Variants in OXCT1 observed in about 807,000 individuals in gnomAD.
The protein encoded by OXCT1 is 3-oxoacid CoA-transferase 1, also known as succinyl-CoA:3-ketoacid coenzyme A transferase 1, mitochondrial.
A neutral mutation model predicts 69.6 loss-of-function variants in OXCT1; 27 were observed. The observed-to-expected ratio is 0.39, with a 90% CI of 0.29 to 0.54. OXCT1 has a LOEUF of 0.54. OXCT1 is among the 20% of genes least tolerant of loss of function. The pLI is 0.72. For missense variants in OXCT1, 437 were observed against 650.2 expected (o/e 0.67, Z 3.57); for synonymous variants, 202 against 217.8 (o/e 0.93, Z 0.64).
At chr5:41,839,951 C>A (rs1253434634) in intron 7 of OXCT1, among the ~76,000 whole-genome samples, 3 of 152,186 alleles carry the variant, frequency 2.0e-5, no homozygotes, top group Admixed American at 6.5e-5. Flanking sequence ...GGAAAGGCTG[C>A]AGAATTATCC....
At chr5:41,821,897 CT>C (rs1361620178) in intron 7 of OXCT1, among the ~76,000 whole-genome samples, 1 of 152,096 alleles carries the variant, frequency 6.6e-6, no homozygotes, top group Non-Finnish European at 1.5e-5. Flanking sequence ...ATTTTTTTCC[CT>C]GTACAGTGTC....
rs1750228281 is a variant in OXCT1 at position 41,870,271 on chromosome 5, C to T, written c.78+10G>A. Reference sequence around the variant, plus strand: ...CCTGCCCATGGCCTTCCTCTTCCCCCGCACTTTACCTTGTACCAGGTTGCC... The same window carrying T: ...CCTGCCCATGGCCTTCCTCTTCCCCTGCACTTTACCTTGTACCAGGTTGCC... On this transcript the variant is annotated intron_variant, in intron 1 of 16. Transcript: ENST00000196371. This position sits in a 1 kb window ranked among gnomAD's most constrained non-coding sequence, Gnocchi z 4.2. 7 of 1,610,466 alleles carry T rather than the reference C, an allele frequency of 4.3e-6. No individual in the cohort carries two copies. The highest frequency in any genetic ancestry group is 5.9e-6 in the Non-Finnish European group (7 of 1,176,804).
chr5:41,816,602 C>T (rs1747257539), intron 7 of OXCT1, among the ~76,000 whole-genome samples: 1 of 152,144 alleles, frequency 6.6e-6, no homozygotes, highest in Non-Finnish European at 1.5e-5. Flanking sequence ...TTAAATCATT[C>T]TGACCCTTGA....
chr5:41,834,057 G>C (rs2112375141), intron 7 of OXCT1, among the ~76,000 whole-genome samples: 1 of 150,854 alleles, frequency 6.6e-6, no homozygotes, highest in East Asian at 1.9e-4. Context: ...TTGCTTATTT[G>C]TTTATGCAAT....
intron 13 of OXCT1, among the ~76,000 whole-genome samples, chr5:41,764,517 C>T (rs939130933): frequency 1.3e-5 from 2 of 152,084 alleles, no homozygotes; most frequent in East Asian, 3.9e-4. Flanking sequence ...GAAAAGTATC[C>T]ATGAATACTA....
chr5:41,793,390 A>G (rs1429419923), intron 13 of OXCT1, among the ~76,000 whole-genome samples: 1 of 152,242 alleles, frequency 6.6e-6, no homozygotes, highest in Non-Finnish European at 1.5e-5. Flanking sequence ...ACACTCATGA[A>G]TTAAGTCAGT....
intron 7 of OXCT1, among the ~76,000 whole-genome samples, chr5:41,823,305 A>T (rs763152111): frequency 3.3e-5 from 5 of 152,188 alleles, no homozygotes; most frequent in Admixed American, 6.6e-5. Flanking sequence ...CAGAAGCACA[A>T]GGAAATTTTC....
chr5:41,777,371 G>A (rs1265120915), intron 13 of OXCT1, among the ~76,000 whole-genome samples: 7 of 152,136 alleles, frequency 4.6e-5, no homozygotes, highest in African/African-American at 1.7e-4. Flanking sequence ...AGCCGAGATC[G>A]TGCCACTGCA....
At position 41,861,405 on chromosome 5, in the gene OXCT1, C is replaced by CT; in HGVS notation, c.188-2dup. The CT allele has an allele frequency of 6.3e-7, 1 of 1,583,854 alleles. No homozygotes were observed. Among genetic ancestry groups the CT allele is most frequent in the Non-Finnish European group, 8.7e-7 (1 of 1,152,896 alleles). On this transcript the variant is annotated splice_acceptor_variant, in intron 2 of 16. Coordinates refer to ENST00000196371, the MANE Select transcript of OXCT1 (RefSeq NM_000436.4). LOFTEE classifies it high-confidence loss of function. ...TCTGGAATTCCACATAGCCCAAAACCTATATTAAGCCCAAAAAATAAACAA... is the reference window on the plus strand; with the variant it reads ...TCTGGAATTCCACATAGCCCAAAACCTTATATTAAGCCCAAAAAATAAACAA...
At position 41,847,027 on chromosome 5, in the gene OXCT1, C is replaced by T. The variant is rs1201052425; in HGVS notation, c.564+3003G>A. Among the ~76,000 whole-genome samples, 15 of 151,578 alleles carry T rather than the reference C, an allele frequency of 9.9e-5. 1 individual carries two copies. Among genetic ancestry groups the T allele is most frequent in the African/African-American group, 1.9e-4 (8 of 41,166 alleles). Reference sequence around the variant, plus strand: ...GAAAGGATCAACAAAACTGATAGACCGCTAGCAAGACTAATAAAGAAAAAA... The same window carrying T: ...GAAAGGATCAACAAAACTGATAGACTGCTAGCAAGACTAATAAAGAAAAAA... On this transcript the variant is annotated intron_variant, in intron 5 of 16. Transcript: ENST00000196371.
At chr5:41,791,152 T>A (rs1008708845) in intron 13 of OXCT1, among the ~76,000 whole-genome samples, 2 of 152,144 alleles carry the variant, frequency 1.3e-5, no homozygotes, top group African/African-American at 4.8e-5. Flanking sequence ...GAAGCTGCCC[T>A]GAGTCTCAAA....
At chr5:41,789,815 T>A (rs1349624999) in intron 13 of OXCT1, among the ~76,000 whole-genome samples, 1 of 152,218 alleles carries the variant, frequency 6.6e-6, no homozygotes, top group African/African-American at 2.4e-5. Flanking sequence ...AATATCTATA[T>A]TTTGGACTAA....
chr5:41,789,835 T>TA (rs1174408312), intron 13 of OXCT1, among the ~76,000 whole-genome samples: 1 of 152,214 alleles, frequency 6.6e-6, no homozygotes, highest in Non-Finnish European at 1.5e-5. Context: ...ACATTTGGAT[T>TA]ACAATTGATG....
chr5:41,831,703 G>T (rs935240665), intron 7 of OXCT1, among the ~76,000 whole-genome samples: 1 of 152,170 alleles, frequency 6.6e-6, no homozygotes, highest in Non-Finnish European at 1.5e-5. Context: ...GCAAAGAGAT[G>T]GGGATGTGAA....
At position 41,861,408 on chromosome 5, in the gene OXCT1, T is replaced by C. The variant is rs376390918; in HGVS notation, c.188-4A>G. The C allele has an allele frequency of 2.4e-5, 37 of 1,567,634 alleles. No homozygotes were observed. Among genetic ancestry groups the C allele is most frequent in the Non-Finnish European group, 3.2e-5 (36 of 1,137,996 alleles). The stretch of plus-strand genomic sequence containing the variant: ...GGAATTCCACATAGCCCAAAACCTA[T>C]ATTAAGCCCAAAAAATAAACAATTT... On this transcript the variant is annotated splice_region_variant and splice_polypyrimidine_tract_variant and intron_variant, in intron 2 of 16. Coordinates refer to ENST00000196371, the MANE Select transcript of OXCT1 (RefSeq NM_000436.4).
At chr5:41,803,783 T>A (rs1157051079) in intron 9 of OXCT1, among the ~76,000 whole-genome samples, 1 of 152,072 alleles carries the variant, frequency 6.6e-6, no homozygotes, top group Non-Finnish European at 1.5e-5. Flanking sequence ...TGTTAAGGCA[T>A]CAAAGAGTTA....
At chr5:41,800,564 G>A (rs1162282121) in intron 11 of OXCT1, among the ~76,000 whole-genome samples, 2 of 151,334 alleles carry the variant, frequency 1.3e-5, no homozygotes, top group African/African-American at 4.9e-5. Context: ...CCTACTAAGT[G>A]GCCAGTTCCT....
rs191427991 is a variant in OXCT1 at position 41,780,926 on chromosome 5, C to T, written c.1248+13077G>A. On this transcript the variant is annotated intron_variant, in intron 13 of 16. Coordinates refer to ENST00000196371, the MANE Select transcript of OXCT1 (RefSeq NM_000436.4). ...CCCACATTTTTTTTTTTTTTTGAGA[C>T]GGAGTCTCGCTCTGTCACCTAGGCT... Among the ~76,000 whole-genome samples, 706 of 148,840 alleles carry T rather than the reference C, an allele frequency of 4.7e-3. 4 individuals are homozygous for T. The highest frequency in any genetic ancestry group is 0.013 in the African/African-American group (534 of 40,302).
intron 15 of OXCT1, 27 bp downstream of exon 15, chr5:41,749,499 TG>T: frequency 7.0e-7 from 1 of 1,437,256 alleles, no homozygotes; most frequent in East Asian, 2.3e-5. Flanking sequence ...ACTTAAAACA[TG>T]GTAATAGTAG....
Sources: gnomAD v4.1 joint callset for allele counts (sites outside exome capture counted in the v4.1 genomes callset) on GRCh38, gnomAD v4.1.1 for gene constraint, Gnocchi (gnomAD v3.1) non-coding constraint, MANE v1.5 for transcripts, NCBI Gene and HGNC (gene_info 2026-07-23, HGNC 2026-07-21) for gene names.